MICU2: variants seen among roughly 807,000 people sequenced by gnomAD.
MICU2 encodes the protein calcium uptake protein 2, mitochondrial.
A neutral mutation model predicts 60.4 loss-of-function variants in MICU2; 64 were observed. That is an observed-to-expected ratio of 1.06 (90% confidence interval 0.87 to 1.31). The LOEUF is 1.31. Ranked by LOEUF, MICU2 falls within the 50% of genes most tolerant of loss-of-function variation. The pLI is 0.00. For synonymous variants in MICU2, 201 were observed against 175.0 expected, an observed-to-expected ratio of 1.15 and a Z score of -1.17; for missense variants, 569 against 531.0, an observed-to-expected ratio of 1.07 and a Z score of -0.70.
chr13:21,596,454 G>A (rs1418246876), intron 1 of MICU2, among the ~76,000 whole-genome samples: 1 of 150,674 alleles, frequency 6.6e-6, no homozygotes, highest in African/African-American at 2.4e-5. Context: ...GACAGAGTCT[G>A]GCTCTGTCAC....
intron 8 of MICU2, among the ~76,000 whole-genome samples, chr13:21,503,764 A>G (rs192318500): frequency 2.0e-5 from 3 of 152,386 alleles, no homozygotes; most frequent in Admixed American, 2.0e-4. Flanking sequence ...AAGAACCCAG[A>G]AACGTTGCAC....
intron 1 of MICU2, among the ~76,000 whole-genome samples, chr13:21,593,399 G>A (rs900024259): frequency 6.6e-6 from 1 of 151,850 alleles, no homozygotes; most frequent in Non-Finnish European, 1.5e-5. Context: ...CCTTGCTCAT[G>A]GATAGGAAGA....
chr13:21,592,680 T>C (rs1200037), intron 1 of MICU2, among the ~76,000 whole-genome samples: 148,594 of 152,360 alleles, frequency 0.98, 72,555 homozygotes, highest in Middle Eastern at 1. Context: ...ATCAAGTCGG[T>C]TTCATCCCTG....
At chr13:21,522,204 C>CCAT (rs1886735424) in intron 5 of MICU2, among the ~76,000 whole-genome samples, 1 of 152,176 alleles carries the variant, frequency 6.6e-6, no homozygotes, top group Non-Finnish European at 1.5e-5. Flanking sequence ...ATATAAGATA[C>CCAT]CATGTTGTAT....
chr13:21,594,392 A>C (rs1374768893), intron 1 of MICU2, among the ~76,000 whole-genome samples: 1 of 152,204 alleles, frequency 6.6e-6, no homozygotes, highest in East Asian at 1.9e-4. Flanking sequence ...AGATACTGGC[A>C]AGGCTATGGA....
At chr13:21,522,558 C>T (rs1050814360) in intron 5 of MICU2, 45 bp downstream of exon 5, 2 of 1,477,528 alleles carry the variant, frequency 1.4e-6, no homozygotes, top group Non-Finnish European at 1.9e-6. Context: ...TTGGTAAGAA[C>T]AGAGAATTCC....
At chr13:21,517,486 C>T (rs764270420) in intron 6 of MICU2, among the ~76,000 whole-genome samples, 1 of 152,032 alleles carries the variant, frequency 6.6e-6, no homozygotes, top group Non-Finnish European at 1.5e-5. Context: ...ATATAAGATG[C>T]TACATACAGC....
At chr13:21,573,272 A>AT (rs781532121) in intron 1 of MICU2, among the ~76,000 whole-genome samples, 3 of 150,396 alleles carry the variant, frequency 2.0e-5, no homozygotes, top group Non-Finnish European at 1.5e-5. Context: ...GTTAACATAC[A>AT]TTTTTTTGTT....
chr13:21,540,157 A>G (rs1887246956), intron 2 of MICU2, among the ~76,000 whole-genome samples: 1 of 152,334 alleles, frequency 6.6e-6, no homozygotes, highest in African/African-American at 2.4e-5. Flanking sequence ...TCTAGCCAAC[A>G]TAACCATCCA....
intron 1 of MICU2, among the ~76,000 whole-genome samples, chr13:21,588,676 C>T (rs1888509279): frequency 6.6e-6 from 1 of 152,224 alleles, no homozygotes; most frequent in Admixed American, 6.5e-5. Context: ...TTACTGGACA[C>T]TCTGCCAAAT....
chr13:21,519,319 A>G (rs902669793), intron 6 of MICU2, among the ~76,000 whole-genome samples: 10 of 152,036 alleles, frequency 6.6e-5, no homozygotes, highest in African/African-American at 2.4e-4. Flanking sequence ...CAGCCTCCCA[A>G]AGGGCTGGGA....
At chr13:21,577,345 C>T (rs1888248143) in intron 1 of MICU2, among the ~76,000 whole-genome samples, 1 of 151,880 alleles carries the variant, frequency 6.6e-6, no homozygotes, top group African/African-American at 2.4e-5. Context: ...TTTAATTTGG[C>T]TAACTTACTT....
At chr13:21,596,838 A>G (rs540907624) in intron 1 of MICU2, among the ~76,000 whole-genome samples, 3 of 152,320 alleles carry the variant, frequency 2.0e-5, no homozygotes, top group Non-Finnish European at 4.4e-5. Flanking sequence ...AGAGCTTGTT[A>G]TATTTATATC....
At chr13:21,523,062 CCT>C (rs1886758320) in intron 4 of MICU2, among the ~76,000 whole-genome samples, 1 of 152,168 alleles carries the variant, frequency 6.6e-6, no homozygotes, top group Non-Finnish European at 1.5e-5. Flanking sequence ...AGAAATTCAC[CCT>C]TTTTTTCTGC....
intron 1 of MICU2, among the ~76,000 whole-genome samples, chr13:21,568,790 C>T (rs1029260237): frequency 5.9e-5 from 9 of 152,014 alleles, no homozygotes; most frequent in Non-Finnish European, 4.4e-5. Context: ...AGTAAAAACA[C>T]TAACCTCCCA....
At chr13:21,519,617 CTTAA>C (rs1886666170) in intron 6 of MICU2, among the ~76,000 whole-genome samples, 1 of 152,186 alleles carries the variant, frequency 6.6e-6, no homozygotes. Flanking sequence ...ACTTTCAGGA[CTTAA>C]TTATCACCCC....
At chr13:21,549,098 T>G (rs1887486512) in intron 2 of MICU2, among the ~76,000 whole-genome samples, 1 of 151,702 alleles carries the variant, frequency 6.6e-6, no homozygotes, top group South Asian at 2.1e-4. Flanking sequence ...GCTCATTTTT[T>G]TTTTGCATTT....
rs548842501 is a variant in MICU2, at chr13:21,503,975, G to T, written c.762-878C>A. On this transcript the variant is annotated intron_variant, in intron 8 of 11. Coordinates refer to ENST00000382374, the MANE Select transcript of MICU2 (RefSeq NM_152726.3). Reference sequence around the variant, plus strand: ...GGAGAAAAATCATCACTTAAAAAATGACTTGCTTGAAGTTCTACATTTATC... The same window carrying T: ...GGAGAAAAATCATCACTTAAAAAATTACTTGCTTGAAGTTCTACATTTATC... Among the ~76,000 whole-genome samples, 152 of 152,250 alleles carry T rather than the reference G, an allele frequency of 1.0e-3. 1 individual carries two copies. Among genetic ancestry groups the T allele is most frequent in the African/African-American group, 3.2e-3 (133 of 41,570 alleles).
At chr13:21,518,476 C>A (rs1886636630) in intron 6 of MICU2, among the ~76,000 whole-genome samples, 1 of 152,124 alleles carries the variant, frequency 6.6e-6, no homozygotes, top group East Asian at 1.9e-4. Context: ...TCCGCTATGC[C>A]CACTTTATAA....
Sources: gnomAD v4.1 joint callset for allele counts (sites outside exome capture counted in the v4.1 genomes callset) on GRCh38, gnomAD v4.1.1 for gene constraint, MANE v1.5 for transcripts, NCBI Gene and HGNC (gene_info 2026-07-23, HGNC 2026-07-21) for gene names.